MICU2: variants seen among roughly 807,000 people sequenced by gnomAD.
MICU2 encodes the protein mitochondrial calcium uptake 2.
In MICU2, 64 loss-of-function variants were observed where a neutral mutation model predicts 60.4. The observed-to-expected ratio is 1.06, with a 90% CI of 0.87 to 1.31. The LOEUF is 1.31. Among genes scored for constraint, MICU2 ranks in the 50% most tolerant of loss-of-function variants. The pLI, the probability that MICU2 is intolerant of heterozygous loss-of-function variation, is 0.00. For missense variants in MICU2, 569 were observed against 531.0 expected, an observed-to-expected ratio of 1.07 and a Z score of -0.70; for synonymous variants, 201 against 175.0, an observed-to-expected ratio of 1.15 and a Z score of -1.17.
At chr13:21,552,088 A>G (rs1415210287) in intron 2 of MICU2, among the ~76,000 whole-genome samples, 2 of 152,076 alleles carry the variant, frequency 1.3e-5, no homozygotes, top group Admixed American at 1.3e-4. Context: ...CATCCTCTCC[A>G]GCACCTGTTG....
chr13:21,584,249 C>T lies in MICU2; in HGVS notation c.211-17305G>A, dbSNP rs557924431. On this transcript the variant is annotated intron_variant, in intron 1 of 11. Transcript: ENST00000382374. ...CTAAAAATACAAAAAATTAGCTGGG[C>T]GTGGTGGCAGGCGCCTGTAGTCCCA... Among the ~76,000 whole-genome samples the T allele has an allele frequency of 2.1e-4, 32 of 151,962 alleles. 1 individual carries two copies. In the South Asian group the frequency reaches 6.0e-3, roughly 29 times the overall value.
chr13:21,522,415 A>T (rs1886741143), intron 5 of MICU2, among the ~76,000 whole-genome samples, 188 bp downstream of exon 5: 1 of 152,200 alleles, frequency 6.6e-6, no homozygotes, highest in Admixed American at 6.5e-5. Flanking sequence ...ATGGGCTGCT[A>T]TAGTGCACAG....
intron 6 of MICU2, among the ~76,000 whole-genome samples, chr13:21,515,063 T>C (rs982735219): frequency 6.7e-6 from 1 of 148,934 alleles, no homozygotes; most frequent in East Asian, 2.0e-4. Context: ...CACTAGTTTA[T>C]GGTGACATTT....
intron 4 of MICU2, among the ~76,000 whole-genome samples, chr13:21,524,649 A>G (rs183308665): frequency 6.6e-6 from 1 of 152,326 alleles, no homozygotes; most frequent in African/African-American, 2.4e-5. Flanking sequence ...ACAATTTACC[A>G]TTTAAACCAT....
chr13:21,509,788 C>T lies in MICU2; in HGVS notation c.761+216G>A, dbSNP rs138823883. 0.011 allele frequency among the ~76,000 whole-genome samples: 1,686 copies of T among 152,312 alleles called. 30 individuals are homozygous for T. Among genetic ancestry groups the T allele is most frequent in the African/African-American group, 0.039 (1,607 of 41,558 alleles). ...ATTATTGTATTCTATGAAACAGATA[C>T]TACTTTCTATAGTAAGGTACGATAT... On this transcript the variant is annotated intron_variant, in intron 8 of 11. Coordinates refer to ENST00000382374, the MANE Select transcript of MICU2 (RefSeq NM_152726.3).
chr13:21,513,246 C>CT (rs2138152161), intron 7 of MICU2, among the ~76,000 whole-genome samples: 1 of 152,160 alleles, frequency 6.6e-6, no homozygotes, highest in African/African-American at 2.4e-5. Context: ...CTTGTCTTGC[C>CT]TTACTGGAGT....
rs964228140 is a variant in MICU2, at chr13:21,527,775, A to G, written c.467-5125T>C. 2.6e-5 allele frequency among the ~76,000 whole-genome samples: 4 copies of G among 152,240 alleles called. No homozygotes were observed. In the East Asian group the frequency reaches 7.7e-4, roughly 29 times the overall value. ...AAGAGGGACACTAGGAGAAACGAGT[A>G]AGTTCTGACTTTTTCCTCTCCTCAC... On this transcript the variant is annotated intron_variant, in intron 4 of 11. Coordinates refer to ENST00000382374, the MANE Select transcript of MICU2 (RefSeq NM_152726.3).
At chr13:21,579,656 A>T (rs1417136140) in intron 1 of MICU2, among the ~76,000 whole-genome samples, 1 of 152,208 alleles carries the variant, frequency 6.6e-6, no homozygotes, top group African/African-American at 2.4e-5. Flanking sequence ...GCTCTGCTTT[A>T]TATCAGTTAT....
intron 1 of MICU2, among the ~76,000 whole-genome samples, chr13:21,591,323 TATTCTAAATATATAGGC>T (rs1888579846): frequency 6.6e-6 from 1 of 151,992 alleles, no homozygotes; most frequent in Admixed American, 6.6e-5. Context: ...CAACAAGAGC[TATTCTAAATATATAGGC>T]ACCAATACAG....
intron 7 of MICU2, among the ~76,000 whole-genome samples, chr13:21,514,098 G>A (rs1393657702): frequency 6.6e-6 from 1 of 152,190 alleles, no homozygotes; most frequent in Non-Finnish European, 1.5e-5. Flanking sequence ...TTGTCACTGT[G>A]CAAACATCAG....
chr13:21,534,078 TA>T lies in MICU2; in HGVS notation c.466+5223del, dbSNP rs770621245. Among the ~76,000 whole-genome samples the T allele has an allele frequency of 5.2e-3, 655 of 126,060 alleles. 5 individuals are homozygous for T. Among genetic ancestry groups the T allele is most frequent in the African/African-American group, 9.6e-3 (324 of 33,878 alleles). The allele number at this position is 126,060 out of a possible 152,430, so 82.7% of individuals were successfully genotyped here. A position where few individuals can be genotyped will look rare whatever the true frequency, so the allele number is the denominator to read the frequency against. On this transcript the variant is annotated intron_variant, in intron 4 of 11. Transcript: ENST00000382374. ...GCTCTAGTCTGGGCGTGAGACTGTC[TA>T]AAAAAAAAAAAAAAGAGTTGATGCA...
At chr13:21,589,812 T>C (rs559347363) in intron 1 of MICU2, among the ~76,000 whole-genome samples, 65 of 152,224 alleles carry the variant, frequency 4.3e-4, no homozygotes, top group African/African-American at 1.5e-3. Flanking sequence ...AATTACCCAA[T>C]TGAAATTAGT....
At chr13:21,504,312 G>A (rs186630835) in intron 8 of MICU2, among the ~76,000 whole-genome samples, 1 of 152,096 alleles carries the variant, frequency 6.6e-6, no homozygotes, top group East Asian at 1.9e-4. Flanking sequence ...ACTTGCAAAT[G>A]AGTGTACACT....
chr13:21,573,777 A>G (rs552695610), intron 1 of MICU2, among the ~76,000 whole-genome samples: 32 of 152,162 alleles, frequency 2.1e-4, no homozygotes, highest in Non-Finnish European at 4.4e-4. Context: ...GACATAATTA[A>G]GATTATTCTG....
chr13:21,501,105 C>G (rs893158920), intron 9 of MICU2, among the ~76,000 whole-genome samples: 1 of 152,052 alleles, frequency 6.6e-6, no homozygotes, highest in African/African-American at 2.4e-5. Context: ...ATTAATAATT[C>G]TTTTACCCAA....
chr13:21,561,177 T>A (rs1355662864), intron 2 of MICU2, among the ~76,000 whole-genome samples: 1 of 152,216 alleles, frequency 6.6e-6, no homozygotes, highest in East Asian at 1.9e-4. Context: ...TGATTTCTAT[T>A]CTTGTAAATT....
At chr13:21,540,736 A>G (rs1887260787) in intron 2 of MICU2, among the ~76,000 whole-genome samples, 1 of 152,164 alleles carries the variant, frequency 6.6e-6, no homozygotes, top group Admixed American at 6.5e-5. Flanking sequence ...TGGAGAAACT[A>G]TTATGTGCCA....
intron 4 of MICU2, among the ~76,000 whole-genome samples, chr13:21,526,859 C>A (rs1886870116): frequency 6.6e-6 from 1 of 151,908 alleles, no homozygotes; most frequent in African/African-American, 2.4e-5. Context: ...TAAAGAGCTG[C>A]AGAGGGTGAT....
intron 2 of MICU2, among the ~76,000 whole-genome samples, chr13:21,551,761 A>G (rs558527749): frequency 5.9e-5 from 9 of 152,110 alleles, no homozygotes; most frequent in African/African-American, 2.2e-4. Flanking sequence ...TACAAAGGAC[A>G]TGAACTCATC....
Sources: allele counts gnomAD v4.1 joint callset (sites outside exome capture counted in the v4.1 genomes callset), GRCh38; gene constraint gnomAD v4.1.1; transcripts MANE v1.5; gene names NCBI Gene and HGNC (gene_info 2026-07-23, HGNC 2026-07-21).